Variants in PAK3 observed in about 807,000 individuals in gnomAD.
The protein encoded by PAK3 is p21 (RAC1) activated kinase 3.
In PAK3, 4 loss-of-function variants were observed where a neutral mutation model predicts 41.0. The observed-to-expected ratio is 0.10, with a 90% CI of 0.05 to 0.22. The LOEUF (loss-of-function observed/expected upper bound fraction) is 0.22. PAK3 is among the 10% of genes least tolerant of loss of function. The probability of loss-of-function intolerance (pLI) is 1.00; values close to 1 mark genes in which losing one functional copy is unlikely to be tolerated. For synonymous variants in PAK3, 146 were observed against 139.6 expected (o/e 1.05, Z -0.32); for missense variants, 205 against 409.9 (o/e 0.50, Z 4.32).
At chrX:110,999,245 C>T (rs1209318284) in intron 1 of PAK3, among the ~76,000 whole-genome samples, 1 of 111,813 alleles carries the variant, frequency 8.9e-6, no homozygotes, top group East Asian at 2.8e-4. Flanking sequence ...GTAACACAGG[C>T]CAAGGAGCAG....
intron 1 of PAK3, among the ~76,000 whole-genome samples, chrX:110,969,094 A>ATTTTTTTTTTTTTT (rs60724970): frequency 3.2e-3 from 130 of 40,594 alleles, no homozygotes; most frequent in African/African-American, 6.8e-3. Flanking sequence ...GACCTGCCTA[A>ATTTTTTTTTTTTTT]TTTTTTTTTT....
chrX:111,192,061 A>G, intron 11 of PAK3, 66 bp from the exon 12 acceptor site: 1 of 673,110 alleles, frequency 1.5e-6, no homozygotes, highest in Non-Finnish European at 2.4e-6. Context: ...ATTACATTTT[A>G]TTTCAAGTAA....
intron 1 of PAK3, among the ~76,000 whole-genome samples, chrX:111,079,286 C>G (rs1292057174): frequency 8.9e-6 from 1 of 112,114 alleles, no homozygotes; most frequent in Non-Finnish European, 1.9e-5. Flanking sequence ...ATTCAAAGGA[C>G]AGGCTGACTC....
At chrX:111,140,517 T>C (rs1222493494) in intron 5 of PAK3, among the ~76,000 whole-genome samples, 2 of 111,845 alleles carry the variant, frequency 1.8e-5, no homozygotes, top group African/African-American at 6.5e-5. Flanking sequence ...TTAGCTATAG[T>C]TCACAAACAT....
intron 1 of PAK3, among the ~76,000 whole-genome samples, chrX:111,019,923 T>C (rs189300097): frequency 9.0e-5 from 10 of 111,071 alleles, no homozygotes; most frequent in Admixed American, 1.9e-4. Flanking sequence ...ATAACAAGTG[T>C]TAGCCAGGAT....
upstream of PAK3, among the ~76,000 whole-genome samples, chrX:111,092,800 T>C (rs574210325): frequency 8.9e-6 from 1 of 112,449 alleles, no homozygotes. Context: ...TTCATTCTTA[T>C]ATAATATTCA....
intron 5 of PAK3, among the ~76,000 whole-genome samples, chrX:111,127,648 C>T (rs1265321498): frequency 9.0e-6 from 1 of 110,733 alleles, no homozygotes; most frequent in Non-Finnish European, 1.9e-5. Flanking sequence ...ATTTTATGGA[C>T]CCTGTGAAGT....
At chrX:111,080,136 G>A (rs888023733) in intron 1 of PAK3, among the ~76,000 whole-genome samples, 7 of 112,491 alleles carry the variant, frequency 6.2e-5, no homozygotes, top group African/African-American at 1.3e-4. Context: ...TAAAGCATCA[G>A]CAGGGTTGGA....
intron 1 of PAK3, among the ~76,000 whole-genome samples, chrX:111,044,439 G>T (rs956841009): frequency 8.9e-5 from 10 of 112,001 alleles, no homozygotes; most frequent in Non-Finnish European, 1.7e-4. Context: ...GAGACCCCTA[G>T]AAAAAGAGTT....
chrX:110,989,170 T>C (rs999250456), intron 1 of PAK3, among the ~76,000 whole-genome samples: 2 of 111,691 alleles, frequency 1.8e-5, no homozygotes, highest in Non-Finnish European at 3.8e-5. Flanking sequence ...TATGGTCCTG[T>C]GGGAATGTGG....
chrX:111,130,270 C>T, intron 5 of PAK3, among the ~76,000 whole-genome samples: 1 of 111,751 alleles, frequency 8.9e-6, no homozygotes, highest in East Asian at 2.8e-4. Context: ...TTTACTTCCC[C>T]CATCCCATCA....
chrX:110,990,427 A>G (rs1166756124), intron 1 of PAK3, among the ~76,000 whole-genome samples: 1 of 111,802 alleles, frequency 8.9e-6, no homozygotes, highest in East Asian at 2.8e-4. Context: ...ATCTGCCTCC[A>G]TGAGCTTATA....
chrX:111,036,755 A>G lies in PAK3; in HGVS notation c.-27-86322A>G, dbSNP rs180982569. Among the ~76,000 whole-genome samples the G allele has an allele frequency of 1.1e-3, 121 of 111,628 alleles. 1 individual carries two copies. Among genetic ancestry groups the G allele is most frequent in the African/African-American group, 3.6e-3 (110 of 30,756 alleles). ...TGCCCATTTGAGACTCCTTGCCATC[A>G]TTTAGTCCCCCGATTAAAAAACCTC... On this transcript the variant is annotated intron_variant, in intron 1 of 14. Coordinates refer to the PAK3 transcript ENST00000425146.
chrX:110,995,023 A>T (rs1043731385), intron 1 of PAK3, among the ~76,000 whole-genome samples: 1 of 111,888 alleles, frequency 8.9e-6, no homozygotes, highest in Non-Finnish European at 1.9e-5. Flanking sequence ...GATTGTATTC[A>T]TATCTTCCTT....
At chrX:111,070,111 A>G (rs2092730744) in intron 1 of PAK3, among the ~76,000 whole-genome samples, 2 of 111,429 alleles carry the variant, frequency 1.8e-5, no homozygotes, top group African/African-American at 6.6e-5. Flanking sequence ...TAATCCTGAG[A>G]CAAAACAAAC....
At chrX:110,974,261 T>TA (rs1245374006) in intron 1 of PAK3, among the ~76,000 whole-genome samples, 1 of 110,626 alleles carries the variant, frequency 9.0e-6, no homozygotes, top group Non-Finnish European at 1.9e-5. Flanking sequence ...ATAGATGCAA[T>TA]AAAAAATGAT....
intron 1 of PAK3, among the ~76,000 whole-genome samples, chrX:110,969,803 A>G (rs1336605522): frequency 8.9e-6 from 1 of 112,005 alleles, no homozygotes; most frequent in African/African-American, 3.2e-5. Flanking sequence ...ATTTTTAGAA[A>G]TTGTTTTAGC....
Position 111,220,501 on chromosome X carries a change from C to A in PAK3, c.*54C>A. ...CCTCATGAGTAAGACTGAAATAAAACTCTGCTGCAGGAAAGATGGAAGAAA... is the reference window on the plus strand; with the variant it reads ...CCTCATGAGTAAGACTGAAATAAAAATCTGCTGCAGGAAAGATGGAAGAAA... On this transcript the variant is annotated 3_prime_UTR_variant, in exon 18 of 18. Coordinates refer to ENST00000372007, the MANE Select transcript of PAK3 (RefSeq NM_002578.5). The A allele has an allele frequency of 2.5e-6, 2 of 799,790 alleles. No individual in the cohort carries two copies. Among genetic ancestry groups the A allele is most frequent in the Non-Finnish European group, 3.8e-6 (2 of 526,364 alleles). The allele number at this position is 799,790 out of a possible 1,213,427, so 65.9% of individuals were successfully genotyped here. A position where few individuals can be genotyped will look rare whatever the true frequency, so the allele number is the denominator to read the frequency against.
Position 111,152,587 on chromosome X carries a change from C to T in PAK3, c.468+140C>T, listed in dbSNP as rs1026648952. On this transcript the variant is annotated intron_variant, in intron 8 of 17. Coordinates refer to ENST00000372007, the MANE Select transcript of PAK3 (RefSeq NM_002578.5). ...TATAATTCAGTTTATATAAAATTCA[C>T]CTATTTTCAGGTAAACAGTTCAATG... 7.1e-5 allele frequency: 33 copies of T among 464,620 alleles called. No individual in the cohort carries two copies. In the African/African-American group the frequency reaches 7.6e-4, roughly 11 times the overall value. 38.3% of individuals were successfully genotyped at this position (464,620 alleles called of 1,213,427 possible).
Sources: allele counts gnomAD v4.1 joint callset (sites outside exome capture counted in the v4.1 genomes callset), GRCh38; gene constraint gnomAD v4.1.1; transcripts MANE v1.5; gene names NCBI Gene and HGNC (gene_info 2026-07-23, HGNC 2026-07-21).